Variants in TNRC6B observed in about 807,000 individuals in gnomAD.
The protein encoded by TNRC6B is trinucleotide repeat containing adaptor 6B.
In TNRC6B, 52 loss-of-function variants were observed where a neutral mutation model predicts 203.6. That is an observed-to-expected ratio of 0.26 (90% CI 0.20 to 0.32). TNRC6B has a LOEUF of 0.32. TNRC6B is among the 10% of genes least tolerant of loss of function. TNRC6B has a pLI of 1.00. For missense variants in TNRC6B, 1,923 were observed against 2,286.2 expected (o/e 0.84, Z 3.24); for synonymous variants, 838 against 845.7 (o/e 0.99, Z 0.16).
intron 3 of TNRC6B, among the ~76,000 whole-genome samples, chr22:40,155,501 A>G (rs2068811778): frequency 6.6e-6 from 1 of 152,008 alleles, no homozygotes; most frequent in South Asian, 2.1e-4. Context: ...GTTGGCCAGG[A>G]TGGTCTTGAT....
intron 3 of TNRC6B, among the ~76,000 whole-genome samples, chr22:40,131,131 A>C (rs940220537): frequency 1.3e-5 from 2 of 151,992 alleles, no homozygotes; most frequent in African/African-American, 4.8e-5. Context: ...CGTGTTAGCC[A>C]GGAAGGTCTC....
intron 1 of TNRC6B, among the ~76,000 whole-genome samples, chr22:40,074,936 C>T (rs1385392335): frequency 1.3e-5 from 2 of 151,862 alleles, no homozygotes. Context: ...CCAGCGTAGG[C>T]AACAGAGCGA....
chr22:40,301,169 CACT>C lies in TNRC6B; in HGVS notation c.3957_3959del (p.Leu1320del). 1 of 1,541,388 alleles carries C rather than the reference CACT, an allele frequency of 6.5e-7. No homozygotes were observed. Among genetic ancestry groups the C allele is most frequent in the South Asian group, 1.2e-5 (1 of 83,774 alleles). On this transcript the variant is annotated inframe_deletion, in exon 15 of 23. Transcript: ENST00000454349. ...CCTCAGCTGGCTCGAATGGTGAGTGCACTGCAGCAGCAGCAGCAGCAGCAGCAG... is the reference window on the plus strand; with the variant it reads ...CCTCAGCTGGCTCGAATGGTGAGTGCGCAGCAGCAGCAGCAGCAGCAGCAG...
Position 40,177,953 on chromosome 22 carries a change from A to G in TNRC6B, c.-183A>G. On this transcript the variant is annotated 5_prime_UTR_variant, in exon 1 of 23. Transcript: ENST00000454349. The stretch of plus-strand genomic sequence containing the variant: ...GACAGAGAGGGAGAGAGAGAGCAAG[A>G]GGGAGAGTGTGTGAGAGAGAGTTAG... The G allele has an allele frequency of 7.1e-7, 1 of 1,416,904 alleles. No homozygotes were observed. The highest frequency in any genetic ancestry group is 9.2e-7 in the Non-Finnish European group (1 of 1,090,588). The allele number at this position is 1,416,904 out of a possible 1,614,324, so 87.8% of individuals were successfully genotyped here.
intron 9 of TNRC6B, among the ~76,000 whole-genome samples, chr22:40,278,715 ATATACTGGCAT>A (rs2070685893): frequency 6.6e-6 from 1 of 152,154 alleles, no homozygotes; most frequent in Non-Finnish European, 1.5e-5. Context: ...AAATTCAGAT[ATATACTGGCAT>A]TATGATTTTT....
intron 1 of TNRC6B, among the ~76,000 whole-genome samples, chr22:40,082,779 G>T (rs941138664): frequency 6.6e-6 from 1 of 152,202 alleles, no homozygotes; most frequent in Admixed American, 6.5e-5. Context: ...ACTTCCCGGT[G>T]GATTAGAAGT....
intron 3 of TNRC6B, among the ~76,000 whole-genome samples, chr22:40,139,644 A>G (rs975517245): frequency 3.3e-5 from 5 of 152,072 alleles, no homozygotes; most frequent in African/African-American, 1.2e-4. Context: ...CATTTTATTT[A>G]TATACTCAAC....
intron 1 of TNRC6B, among the ~76,000 whole-genome samples, chr22:40,207,420 T>A (rs5757874): frequency 0.59 from 48,456 of 82,094 alleles, 11,546 homozygotes; most frequent in East Asian, 0.69. Context: ...AAAAAAAAAA[T>A]ATATATATAT....
At chr22:40,117,293 T>C (rs1475729222) in intron 2 of TNRC6B, among the ~76,000 whole-genome samples, 1 of 152,194 alleles carries the variant, frequency 6.6e-6, no homozygotes, top group Non-Finnish European at 1.5e-5. Context: ...ATATGGTAGG[T>C]GCCTTTTAAA....
intron 1 of TNRC6B, among the ~76,000 whole-genome samples, chr22:40,094,912 G>A (rs1293061663): frequency 1.3e-5 from 2 of 152,092 alleles, no homozygotes; most frequent in African/African-American, 4.8e-5. Context: ...GAGGCTGGAT[G>A]TTGCTCTGTT....
intron 3 of TNRC6B, among the ~76,000 whole-genome samples, chr22:40,146,561 ATT>A (rs59901929): frequency 0.15 from 16,075 of 108,622 alleles, 1,007 homozygotes; most frequent in South Asian, 0.25. Context: ...CGCCCGGCTA[ATT>A]TTTTTTTTTT....
chr22:40,286,787 A>G (rs1273054021), intron 12 of TNRC6B, among the ~76,000 whole-genome samples: 1 of 152,194 alleles, frequency 6.6e-6, no homozygotes, highest in African/African-American at 2.4e-5. Context: ...TTAGTCTACC[A>G]CATACTTTCC....
chr22:40,092,335 A>G (rs2146298010), intron 1 of TNRC6B, among the ~76,000 whole-genome samples: 1 of 151,952 alleles, frequency 6.6e-6, no homozygotes, highest in Middle Eastern at 3.4e-3. Flanking sequence ...CCTGGGAGGC[A>G]GAGGTTACAG....
rs539350724 is a variant in TNRC6B at position 40,298,694 on chromosome 22, C to T, written c.3709-1761C>T. Among the ~76,000 whole-genome samples the T allele has an allele frequency of 4.6e-5, 7 of 151,312 alleles. No homozygotes were observed. The South Asian group carries it at 1.3e-3, about 27-fold the overall frequency. On this transcript the variant is annotated intron_variant, in intron 12 of 22. Transcript: ENST00000454349. Reference sequence around the variant, plus strand: ...GAAATGGCAGAGCTGGGGCCGGGCGCGGTGGCTCACGCCTGTAATCTCAGC... The same window carrying T: ...GAAATGGCAGAGCTGGGGCCGGGCGTGGTGGCTCACGCCTGTAATCTCAGC...
At chr22:40,227,435 G>A (rs1181593057) in intron 1 of TNRC6B, among the ~76,000 whole-genome samples, 4 of 124,450 alleles carry the variant, frequency 3.2e-5, no homozygotes, top group Admixed American at 2.1e-4. Flanking sequence ...GTGCCATCTT[G>A]GCCTCCCAGG....
chr22:40,125,575 C>T (rs1267513627), intron 2 of TNRC6B, among the ~76,000 whole-genome samples: 1 of 152,190 alleles, frequency 6.6e-6, no homozygotes, highest in Non-Finnish European at 1.5e-5. Flanking sequence ...AGATGGGAAA[C>T]ATTCCCTCCC....
intron 1 of TNRC6B, among the ~76,000 whole-genome samples, chr22:40,091,821 C>T (rs952424036): frequency 6.6e-6 from 1 of 151,754 alleles, no homozygotes; most frequent in Non-Finnish European, 1.5e-5. Flanking sequence ...TATAATGAAA[C>T]TTAAAAAAAA....
intron 1 of TNRC6B, among the ~76,000 whole-genome samples, chr22:40,063,302 C>T (rs2067869899): frequency 1.3e-5 from 2 of 152,074 alleles, no homozygotes; most frequent in African/African-American, 4.8e-5. Context: ...ATGCCATTAC[C>T]ACAATACACT....
In TNRC6B at chr22:40,281,161, G is replaced by T. The variant is rs1329056536; in HGVS notation, c.3454G>T (p.Glu1152Ter). 9 of 1,550,944 alleles carry T rather than the reference G, an allele frequency of 5.8e-6. No homozygotes were observed. The highest frequency in any genetic ancestry group is 7.8e-6 in the Non-Finnish European group (9 of 1,146,674). Residue 1152 changes from glutamate (E) to a stop codon, truncating the protein, a stop_gained, in exon 11 of 23, where the codon GAG becomes TAG. Transcript: ENST00000454349. LOFTEE classifies it high-confidence loss of function. ...CAATCAAGATGGGTGCCTTGGGGAT[G>T]AGGCTCCCTGCTCTCCCTTCTCCCC... is the stretch of plus-strand genomic sequence containing the variant. ...FSNQDGCLGD[E>*]APCSPFSPSP... is the part of the protein sequence containing the mutation.
Sources: gnomAD v4.1 joint callset for allele counts (sites outside exome capture counted in the v4.1 genomes callset) on GRCh38, gnomAD v4.1.1 for gene constraint, MANE v1.5 for transcripts, NCBI Gene and HGNC (gene_info 2026-07-23, HGNC 2026-07-21) for gene names.